C8orf34: variants seen among roughly 807,000 people sequenced by gnomAD.
The protein encoded by C8orf34 is chromosome 8 open reading frame 34.
In C8orf34, 65 loss-of-function variants were observed where a neutral mutation model predicts 68.3. The ratio of observed to expected loss-of-function variants is 0.95; its 90% CI spans 0.78 to 1.17. The LOEUF is 1.17. Ranked by LOEUF, C8orf34 falls within the 50% of genes most tolerant of loss-of-function variation. The probability of loss-of-function intolerance (pLI) is 0.00; values close to 1 mark genes in which losing one functional copy is unlikely to be tolerated. For missense variants in C8orf34, 664 were observed against 655.4 expected (o/e 1.01, Z -0.14); for synonymous variants, 244 against 241.2 (o/e 1.01, Z -0.11).
intron 7 of C8orf34, among the ~76,000 whole-genome samples, chr8:68,607,830 T>C (rs1236289117): frequency 1.3e-5 from 2 of 152,094 alleles, no homozygotes; most frequent in East Asian, 3.9e-4. Flanking sequence ...AGGTAGCATA[T>C]GTGTGTAGTC....
chr8:68,758,799 G>GT (rs1822945451), intron 10 of C8orf34, among the ~76,000 whole-genome samples: 1 of 151,632 alleles, frequency 6.6e-6, no homozygotes, highest in East Asian at 2.0e-4. Context: ...TTTAAATAGT[G>GT]TATTATATCT....
chr8:68,407,610 T>TC (rs1356764508), intron 1 of C8orf34, among the ~76,000 whole-genome samples: 11 of 152,212 alleles, frequency 7.2e-5, no homozygotes, highest in Non-Finnish European at 1.6e-4. Flanking sequence ...TTGCTGTGGG[T>TC]CTATCTCTTC....
chr8:68,450,406 G>C (rs1313779891), intron 3 of C8orf34, among the ~76,000 whole-genome samples: 1 of 152,036 alleles, frequency 6.6e-6, no homozygotes, highest in African/African-American at 2.4e-5. Flanking sequence ...ATCTAGAATG[G>C]TAAATCTTTT....
chr8:68,807,645 C>T (rs1343031409), intron 12 of C8orf34, among the ~76,000 whole-genome samples: 3 of 152,038 alleles, frequency 2.0e-5, no homozygotes, highest in African/African-American at 7.2e-5. Flanking sequence ...GGCTTTAGAA[C>T]ACATGGCCTT....
At chr8:68,501,373 C>G (rs776110478) in intron 5 of C8orf34, among the ~76,000 whole-genome samples, 103 of 152,140 alleles carry the variant, frequency 6.8e-4, no homozygotes, top group Non-Finnish European at 1.3e-3. Flanking sequence ...CTGGGCGCCC[C>G]GGCTTCACTT....
chr8:68,333,942 A>G (rs1805739820), intron 1 of C8orf34, among the ~76,000 whole-genome samples: 1 of 152,214 alleles, frequency 6.6e-6, no homozygotes. Flanking sequence ...AGTTTAAGTT[A>G]GGAATGTTTT....
At chr8:68,471,006 G>A (rs1176441861) in intron 4 of C8orf34, among the ~76,000 whole-genome samples, 1 of 152,076 alleles carries the variant, frequency 6.6e-6, no homozygotes, top group Non-Finnish European at 1.5e-5. Flanking sequence ...GGCCAGCCTA[G>A]TAAAACAATA....
At position 68,358,657 on chromosome 8, in the gene C8orf34, C is replaced by CT. The variant is rs369908740; in HGVS notation, c.327+27328dup. On this transcript the variant is annotated intron_variant, in intron 1 of 13. Transcript: ENST00000518698. ...CAATTTCTACAATTGGCAATTTATT[C>CT]TTTTTTTTTTGGAGGGGGGGTGTTT... Among the ~76,000 whole-genome samples the CT allele has an allele frequency of 4.0e-3, 587 of 146,740 alleles. 8 individuals are homozygous for CT. The highest frequency in any genetic ancestry group is 4.6e-3 in the South Asian group (21 of 4,600).
At chr8:68,445,768 C>T (rs1158548765) in intron 2 of C8orf34, among the ~76,000 whole-genome samples, 2 of 152,014 alleles carry the variant, frequency 1.3e-5, no homozygotes, top group Non-Finnish European at 2.9e-5. Flanking sequence ...TGATCGGAAC[C>T]CCCGCCTGAA....
intron 1 of C8orf34, among the ~76,000 whole-genome samples, chr8:68,396,111 A>G (rs1310495449): frequency 6.6e-6 from 1 of 151,922 alleles, no homozygotes; most frequent in Non-Finnish European, 1.5e-5. Context: ...CTTCAAGCAT[A>G]TTTTGGCATA....
chr8:68,691,634 T>C (rs2130908246), intron 8 of C8orf34, among the ~76,000 whole-genome samples: 1 of 152,252 alleles, frequency 6.6e-6, no homozygotes, highest in South Asian at 2.1e-4. Flanking sequence ...ATTTTAGTTA[T>C]CACTGTGGTT....
chr8:68,756,311 G>A (rs1459952840), intron 10 of C8orf34, among the ~76,000 whole-genome samples: 3 of 152,146 alleles, frequency 2.0e-5, no homozygotes, highest in Admixed American at 2.0e-4. Context: ...CACTTACACA[G>A]AATTAATTCC....
At chr8:68,789,306 A>T (rs570949267) in intron 12 of C8orf34, among the ~76,000 whole-genome samples, 2 of 152,262 alleles carry the variant, frequency 1.3e-5, no homozygotes, top group African/African-American at 4.8e-5. Flanking sequence ...CAACATCCTT[A>T]TAGAATGCAG....
At chr8:68,665,066 G>A (rs554604052) in intron 8 of C8orf34, among the ~76,000 whole-genome samples, 57 of 152,126 alleles carry the variant, frequency 3.7e-4, no homozygotes, top group Non-Finnish European at 6.8e-4. Flanking sequence ...TTCTCCCATG[G>A]ATTTAGCTAG....
chr8:68,549,397 A>C (rs1563523654), intron 7 of C8orf34, among the ~76,000 whole-genome samples: 1 of 151,818 alleles, frequency 6.6e-6, no homozygotes, highest in Admixed American at 6.6e-5. Context: ...AGGCCAAAAT[A>C]ATCTATAGTG....
chr8:68,684,602 T>C (rs1438512960), intron 8 of C8orf34, among the ~76,000 whole-genome samples: 1 of 152,114 alleles, frequency 6.6e-6, no homozygotes, highest in Admixed American at 6.6e-5. Context: ...TTGTCTGACT[T>C]TAATCTCTGA....
chr8:68,724,009 A>C (rs1821756314), intron 10 of C8orf34, among the ~76,000 whole-genome samples: 1 of 152,174 alleles, frequency 6.6e-6, no homozygotes, highest in East Asian at 1.9e-4. Flanking sequence ...CATATTACAC[A>C]TTTAAATCTT....
chr8:68,663,411 A>G (rs1441886147), intron 8 of C8orf34, among the ~76,000 whole-genome samples: 1 of 152,218 alleles, frequency 6.6e-6, no homozygotes, highest in Non-Finnish European at 1.5e-5. Flanking sequence ...AACTCATGAA[A>G]GGTAGAAGAG....
At chr8:68,478,675 A>G (rs1050122410) in intron 4 of C8orf34, among the ~76,000 whole-genome samples, 5 of 152,154 alleles carry the variant, frequency 3.3e-5, no homozygotes, top group Non-Finnish European at 5.9e-5. Context: ...GAAACTTACA[A>G]TTATGGCAGA....
Sources: allele counts gnomAD v4.1 joint callset (sites outside exome capture counted in the v4.1 genomes callset), GRCh38; gene constraint gnomAD v4.1.1; transcripts MANE v1.5; gene names NCBI Gene and HGNC (gene_info 2026-07-23, HGNC 2026-07-21).